Variants in FAR2 observed in about 807,000 individuals in gnomAD.
FAR2 encodes epididymis secretory protein Li 81.
In FAR2, 19 loss-of-function variants were observed where a neutral mutation model predicts 56.0. That is an observed-to-expected ratio of 0.34 (90% confidence interval 0.24 to 0.50). The LOEUF is 0.50. Among genes scored for constraint, FAR2 ranks in the 20% least tolerant of loss-of-function variants. FAR2 has a pLI of 0.98. For synonymous variants in FAR2, 219 were observed against 218.8 expected (o/e 1.00, Z -0.01); for missense variants, 508 against 642.2 (o/e 0.79, Z 2.26).
chr12:29,206,033 A>G (rs1182495882), intron 1 of FAR2, among the ~76,000 whole-genome samples: 2 of 152,108 alleles, frequency 1.3e-5, no homozygotes, highest in Non-Finnish European at 2.9e-5. Flanking sequence ...TTTCCCTTTC[A>G]TTTACTCTCA....
intron 1 of FAR2, among the ~76,000 whole-genome samples, chr12:29,202,870 CT>C (rs1220427845): frequency 6.6e-6 from 1 of 152,204 alleles, no homozygotes; most frequent in African/African-American, 2.4e-5. Context: ...AAATAAACCT[CT>C]TTTCTTTGTA....
intron 1 of FAR2, among the ~76,000 whole-genome samples, chr12:29,268,011 G>C (rs1414642872): frequency 6.6e-6 from 1 of 152,184 alleles, no homozygotes; most frequent in Non-Finnish European, 1.5e-5. Flanking sequence ...AATGGTAGGT[G>C]CTGAAAAATT....
intron 10 of FAR2, among the ~76,000 whole-genome samples, chr12:29,326,578 G>A (rs12823485): frequency 0.13 from 20,366 of 151,468 alleles, 942 homozygotes; most frequent in Middle Eastern, 0.26. Flanking sequence ...TTCATCCCTG[G>A]GATGCAAGGC....
chr12:29,314,573 G>A (rs1949414667), intron 8 of FAR2, among the ~76,000 whole-genome samples: 1 of 151,782 alleles, frequency 6.6e-6, no homozygotes, highest in African/African-American at 2.4e-5. Flanking sequence ...TTACCATTTG[G>A]ACAGCTTTCT....
intron 1 of FAR2, among the ~76,000 whole-genome samples, chr12:29,161,074 A>G (rs1194073237): frequency 6.6e-6 from 1 of 152,234 alleles, no homozygotes; most frequent in African/African-American, 2.4e-5. Context: ...AATAGTGAAC[A>G]TAAGTAATGA....
At chr12:29,242,232 G>C (rs781262765) in intron 1 of FAR2, among the ~76,000 whole-genome samples, 6 of 152,192 alleles carry the variant, frequency 3.9e-5, no homozygotes, top group Non-Finnish European at 5.9e-5. Context: ...ATAAGGTGTA[G>C]TAATGAAGAC....
intron 3 of FAR2, among the ~76,000 whole-genome samples, chr12:29,294,618 G>A (rs1949027441): frequency 6.6e-6 from 1 of 152,172 alleles, no homozygotes; most frequent in African/African-American, 2.4e-5. Flanking sequence ...CCAAAGTGCT[G>A]GGATTACAGG....
intron 1 of FAR2, among the ~76,000 whole-genome samples, chr12:29,249,851 C>G (rs1451670293): frequency 6.6e-6 from 1 of 152,090 alleles, no homozygotes; most frequent in East Asian, 1.9e-4. Context: ...AGAACAGACT[C>G]AGTCAAATTC....
intron 1 of FAR2, among the ~76,000 whole-genome samples, chr12:29,265,834 C>G (rs1405777308): frequency 6.6e-6 from 1 of 151,988 alleles, no homozygotes; most frequent in Non-Finnish European, 1.5e-5. Flanking sequence ...ATCTAATAAT[C>G]CTACTTAAAA....
intron 1 of FAR2, among the ~76,000 whole-genome samples, chr12:29,165,189 T>C (rs1949814410): frequency 1.3e-5 from 2 of 152,222 alleles, no homozygotes; most frequent in African/African-American, 4.8e-5. Context: ...CTCTCCTACG[T>C]TAGGCTGTGG....
chr12:29,302,076 A>G (rs1949176137), intron 4 of FAR2: 1 of 151,992 alleles, frequency 6.6e-6, no homozygotes, highest in African/African-American at 2.4e-5. Flanking sequence ...TAAAAATACA[A>G]AAAATTAGCC....
At chr12:29,205,504 A>G (rs1387264448) in intron 1 of FAR2, among the ~76,000 whole-genome samples, 1 of 152,246 alleles carries the variant, frequency 6.6e-6, no homozygotes, top group African/African-American at 2.4e-5. Flanking sequence ...ACTAAAATCT[A>G]TTCCACACTT....
chr12:29,276,000 A>G (rs1303405335), intron 2 of FAR2, among the ~76,000 whole-genome samples: 1 of 152,200 alleles, frequency 6.6e-6, no homozygotes, highest in Non-Finnish European at 1.5e-5. Context: ...CCTGAGAACT[A>G]TCTGTTGTGA....
intron 4 of FAR2, among the ~76,000 whole-genome samples, chr12:29,305,148 ATT>A (rs57257605): frequency 6.7e-6 from 1 of 149,846 alleles, no homozygotes; most frequent in Non-Finnish European, 1.5e-5. Context: ...TATTTATTTT[ATT>A]TTTTTGAGAC....
intron 1 of FAR2, among the ~76,000 whole-genome samples, chr12:29,170,752 CTCTCTCT>C: frequency 1.1e-4 from 1 of 9,220 alleles, no homozygotes; most frequent in African/African-American, 1.6e-4. Flanking sequence ...GTCTCTTCCT[CTCTCTCT>C]CTCTCTCTCT....
At chr12:29,210,640 C>A (rs1208622880) in intron 1 of FAR2, among the ~76,000 whole-genome samples, 1 of 152,210 alleles carries the variant, frequency 6.6e-6, no homozygotes, top group Non-Finnish European at 1.5e-5. Flanking sequence ...GCTGGCCATT[C>A]CAAATATGAT....
chr12:29,307,099 C>A (rs992962892), intron 4 of FAR2, among the ~76,000 whole-genome samples: 3 of 152,120 alleles, frequency 2.0e-5, no homozygotes, highest in Admixed American at 6.6e-5. Context: ...CACTGAAGCA[C>A]CTTGGATGAC....
At chr12:29,251,711 T>C (rs530969849) in intron 1 of FAR2, among the ~76,000 whole-genome samples, 48 of 152,300 alleles carry the variant, frequency 3.2e-4, no homozygotes, top group African/African-American at 1.1e-3. Flanking sequence ...TGCCTCTATC[T>C]AGAAAAATAG....
At chr12:29,276,875 TTATATA>T (rs925244145) in intron 2 of FAR2, among the ~76,000 whole-genome samples, 79 of 150,532 alleles carry the variant, frequency 5.2e-4, no homozygotes, top group African/African-American at 1.8e-3. Context: ...AATCTCTAGA[TTATATA>T]TATATATGTG....
Sources: allele counts gnomAD v4.1 joint callset (sites outside exome capture counted in the v4.1 genomes callset), GRCh38; gene constraint gnomAD v4.1.1; transcripts MANE v1.5; gene names NCBI Gene and HGNC (gene_info 2026-07-23, HGNC 2026-07-21).